NSD2: variants seen among roughly 807,000 people sequenced by gnomAD.
NSD2 encodes the protein histone-lysine N-methyltransferase NSD2.
NSD2 carries 12 observed loss-of-function variants against 139.0 expected under a neutral mutation model. The observed-to-expected ratio is 0.09, with a 90% CI of 0.06 to 0.14. NSD2 has a LOEUF of 0.14. Ranked by LOEUF, NSD2 falls within the 10% of genes least tolerant of loss-of-function variation. NSD2 has a pLI of 1.00. For missense variants in NSD2, 1,155 were observed against 1,745.0 expected, an observed-to-expected ratio of 0.66 and a Z score of 6.02; for synonymous variants, 669 against 648.7, an observed-to-expected ratio of 1.03 and a Z score of -0.48.
chr4:1,965,466 A>G (rs370310059), intron 18 of NSD2, among the ~76,000 whole-genome samples: 1 of 152,342 alleles, frequency 6.6e-6, no homozygotes, highest in South Asian at 2.1e-4. Context: ...TGAAAAAATA[A>G]TGGCTGAAAA....
At chr4:1,941,862 A>T (rs1723134875) in intron 9 of NSD2, 26 of 1,059,152 alleles carry the variant, frequency 2.5e-5, no homozygotes, top group Non-Finnish European at 2.7e-5. Context: ...AATGTTTGTG[A>T]TGTTTCCAAT....
In NSD2 at chr4:1,916,956, A is replaced by G. The variant is rs199937217; in HGVS notation, c.846A>G (p.Val282=). The G allele has an allele frequency of 1.5e-5, 24 of 1,614,086 alleles. No homozygotes were observed. In the East Asian group the frequency reaches 5.3e-4, roughly 36 times the overall value. The change falls in exon 4 of 22, where the codon GTA becomes GTG. Residue 282 remains valine (V), a synonymous_variant. Coordinates refer to ENST00000508803, the MANE Select transcript of NSD2 (RefSeq NM_001042424.3). ...ERAWIFEKSL[V]AFEGEGQFEK... ...CTTGGATATTTGAGAAGAGCCTCGTAGCTTTTGAAGGAGAAGGACAGTTTG... is the reference window on the plus strand; with the variant it reads ...CTTGGATATTTGAGAAGAGCCTCGTGGCTTTTGAAGGAGAAGGACAGTTTG...
intron 5 of NSD2, among the ~76,000 whole-genome samples, chr4:1,928,941 G>A (rs1385417263): frequency 6.6e-6 from 1 of 152,140 alleles, no homozygotes; most frequent in Non-Finnish European, 1.5e-5. Flanking sequence ...GGGCCTGCTG[G>A]GTTGGGAGGG....
At chr4:1,967,375 C>T (rs562710566) in intron 18 of NSD2, among the ~76,000 whole-genome samples, 105 of 152,266 alleles carry the variant, frequency 6.9e-4, no homozygotes, top group South Asian at 1.7e-3. Flanking sequence ...GTCAGGAGTT[C>T]GAGACCAGCC....
At chr4:1,917,686 C>G (rs905248498) in intron 4 of NSD2, among the ~76,000 whole-genome samples, 6 of 152,164 alleles carry the variant, frequency 3.9e-5, no homozygotes, top group African/African-American at 1.2e-4. Flanking sequence ...ATGTGTCTGC[C>G]TCAGCCTCCA....
intron 1 of NSD2, among the ~76,000 whole-genome samples, chr4:1,874,971 C>G (rs777719842): frequency 2.6e-5 from 4 of 152,104 alleles, no homozygotes; most frequent in Non-Finnish European, 5.9e-5. Context: ...CAATATTGCT[C>G]TTTTCTTTTG....
intron 3 of NSD2, among the ~76,000 whole-genome samples, chr4:1,910,160 T>C (rs572133123): frequency 5.9e-5 from 9 of 152,278 alleles, no homozygotes; most frequent in African/African-American, 1.9e-4. Flanking sequence ...TTGTTGTAAT[T>C]TACAGCAGCA....
chr4:1,886,623 A>G (rs1715133421), intron 1 of NSD2, among the ~76,000 whole-genome samples: 1 of 152,094 alleles, frequency 6.6e-6, no homozygotes, highest in Non-Finnish European at 1.5e-5. Context: ...CAAGGTCAGG[A>G]GATCAAGACC....
intron 1 of NSD2, among the ~76,000 whole-genome samples, chr4:1,872,785 A>T (rs2108877066): frequency 6.6e-6 from 1 of 152,046 alleles, no homozygotes; most frequent in Non-Finnish European, 1.5e-5. Context: ...GGTTATATTC[A>T]CTCTATTTTG....
chr4:1,957,807 A>T, intron 15 of NSD2, 126 bp from the exon 16 acceptor site: 1 of 885,524 alleles, frequency 1.1e-6, no homozygotes, highest in Non-Finnish European at 1.7e-6. Context: ...CATAGACTCT[A>T]GTTTTATGGG....
At chr4:1,905,304 G>T (rs536357869) in intron 3 of NSD2, among the ~76,000 whole-genome samples, 23 of 152,362 alleles carry the variant, frequency 1.5e-4, no homozygotes, top group African/African-American at 5.5e-4. Flanking sequence ...TGGCGAGTGC[G>T]GAGTTAGAAC....
rs1247980762 is a variant in NSD2 at position 1,976,315 on chromosome 4, A to T, written c.3622-160A>T. 1.4e-6 allele frequency: 1 copy of T among 727,728 alleles called. No individual in the cohort carries two copies. The highest frequency in any genetic ancestry group is 1.8e-5 in the African/African-American group (1 of 56,040). 45.1% of individuals were successfully genotyped at this position (727,728 alleles called of 1,614,324 possible). The stretch of plus-strand genomic sequence containing the variant: ...CACGCTGAGTCGAGTGAGTCTAAGG[A>T]TGTCTGGGGAGCACGAGGAGGACAC... On this transcript the variant is annotated intron_variant, in intron 20 of 21. Coordinates refer to ENST00000508803, the MANE Select transcript of NSD2 (RefSeq NM_001042424.3). This position sits in a 1 kb window ranked among gnomAD's most constrained non-coding sequence, Gnocchi z 5.3.
rs184805121 is a variant in NSD2, at chr4:1,892,449, A to G, written c.-29-8177A>G. On this transcript the variant is annotated intron_variant, in intron 1 of 21. Transcript: ENST00000508803. ...CTTAACGTGTCAGGTAATACTGTAT[A>G]TATTCCATGAAATGTGAATAATTAG... is the stretch of plus-strand genomic sequence containing the variant. 1.5e-4 allele frequency among the ~76,000 whole-genome samples: 23 copies of G among 152,300 alleles called. No homozygotes were observed. In the East Asian group the frequency reaches 4.4e-3, roughly 29 times the overall value.
At chr4:1,894,164 C>T (rs910788537) in intron 1 of NSD2, among the ~76,000 whole-genome samples, 2 of 152,098 alleles carry the variant, frequency 1.3e-5, no homozygotes, top group Non-Finnish European at 2.9e-5. Flanking sequence ...ACTATGTTGG[C>T]CAGGCTGGTC....
chr4:1,888,020 C>T (rs1715245127), intron 1 of NSD2, among the ~76,000 whole-genome samples: 1 of 152,076 alleles, frequency 6.6e-6, no homozygotes, highest in African/African-American at 2.4e-5. Flanking sequence ...CTGCGATGGA[C>T]CATCTGTTTT....
At chr4:1,975,624 C>T in intron 20 of NSD2, 2 of 533,418 alleles carry the variant, frequency 3.7e-6, no homozygotes, top group South Asian at 4.7e-5. Context: ...AACAATGCCT[C>T]ACAGACGCGT....
intron 1 of NSD2, among the ~76,000 whole-genome samples, chr4:1,892,572 CT>C (rs35224531): frequency 0.062 from 9,174 of 147,706 alleles, 939 homozygotes; most frequent in African/African-American, 0.22. Flanking sequence ...ACTGATAACT[CT>C]TTTTTTTTTT....
chr4:1,873,863 T>G (rs1433544430), intron 1 of NSD2, among the ~76,000 whole-genome samples: 1 of 152,200 alleles, frequency 6.6e-6, no homozygotes, highest in Non-Finnish European at 1.5e-5. Flanking sequence ...ATTTATTTAT[T>G]TTTAGAGACA....
chr4:1,902,677 G>A (rs1011969891), intron 2 of NSD2, among the ~76,000 whole-genome samples: 3 of 152,112 alleles, frequency 2.0e-5, no homozygotes, highest in African/African-American at 7.2e-5. Flanking sequence ...GACCTCAAAC[G>A]ATGTTCCTGC....
Sources: gnomAD v4.1 joint callset for allele counts (sites outside exome capture counted in the v4.1 genomes callset) on GRCh38, gnomAD v4.1.1 for gene constraint, Gnocchi (gnomAD v3.1) non-coding constraint, MANE v1.5 for transcripts, NCBI Gene and HGNC (gene_info 2026-07-23, HGNC 2026-07-21) for gene names.